KIAA1671: variants seen among roughly 807,000 people sequenced by gnomAD.
KIAA1671 encodes the protein uncharacterized protein KIAA1671.
In KIAA1671, 52 loss-of-function variants were observed where a neutral mutation model predicts 131.2. The ratio of observed to expected loss-of-function variants is 0.40; its 90% confidence interval spans 0.32 to 0.50. KIAA1671 has a LOEUF of 0.50. KIAA1671 is among the 20% of genes least tolerant of loss of function. The pLI is 0.73. For synonymous variants in KIAA1671, 1,003 were observed against 961.6 expected (o/e 1.04, Z -0.80); for missense variants, 2,360 against 2,364.2 (o/e 1.00, Z 0.04).
intron 1 of KIAA1671, among the ~76,000 whole-genome samples, chr22:24,957,615 C>T (rs1244412295): frequency 6.7e-6 from 1 of 150,032 alleles, no homozygotes; most frequent in African/African-American, 2.4e-5. Context: ...AGGTAAAGCA[C>T]ATAGTGCATC....
At chr22:24,978,767 T>C (rs1361690168) in intron 1 of KIAA1671, among the ~76,000 whole-genome samples, 1 of 152,178 alleles carries the variant, frequency 6.6e-6, no homozygotes, top group Non-Finnish European at 1.5e-5. Context: ...CACTACAGCC[T>C]CCGCCTCCTG....
chr22:25,140,909 A>G (rs1932797990), intron 6 of KIAA1671, among the ~76,000 whole-genome samples: 1 of 152,154 alleles, frequency 6.6e-6, no homozygotes. Context: ...TCAAAAATAT[A>G]TGGGAAGGAG....
At chr22:25,058,266 A>C (rs901345548) in intron 6 of KIAA1671, 3 of 152,212 alleles carry the variant, frequency 2.0e-5, no homozygotes, top group African/African-American at 7.2e-5. Context: ...GAGAGTCCCC[A>C]TACACCCACA....
At chr22:25,030,307 C>T (rs964836647) in intron 3 of KIAA1671, among the ~76,000 whole-genome samples, 2 of 152,054 alleles carry the variant, frequency 1.3e-5, no homozygotes, top group Admixed American at 1.3e-4. Context: ...GAGGCCGAGG[C>T]GGGTGGATCA....
At chr22:25,160,008 T>TG (rs981946240) in intron 6 of KIAA1671, among the ~76,000 whole-genome samples, 3 of 152,212 alleles carry the variant, frequency 2.0e-5, no homozygotes, top group African/African-American at 7.2e-5. Context: ...TCTGAATACA[T>TG]GCTCATTTAA....
At chr22:25,007,841 G>T (rs138834565) in intron 1 of KIAA1671, among the ~76,000 whole-genome samples, 1 of 152,110 alleles carries the variant, frequency 6.6e-6, no homozygotes, top group East Asian at 1.9e-4. Context: ...CCTGCCTATG[G>T]GGTAGCCCTG....
chr22:25,076,496 G>A (rs11703834), intron 6 of KIAA1671, among the ~76,000 whole-genome samples: 17,018 of 152,142 alleles, frequency 0.11, 1,157 homozygotes, highest in Non-Finnish European at 0.15. Flanking sequence ...CTTCTCTTCT[G>A]GGGGGAGAAA....
intron 12 of KIAA1671, among the ~76,000 whole-genome samples, chr22:25,191,759 G>A (rs2146056466): frequency 6.6e-6 from 1 of 152,254 alleles, no homozygotes; most frequent in Admixed American, 6.5e-5. Context: ...GATGTGATGA[G>A]CACAAGAGAC....
At chr22:24,983,234 A>T (rs1473071916) in intron 1 of KIAA1671, among the ~76,000 whole-genome samples, 1 of 152,172 alleles carries the variant, frequency 6.6e-6, no homozygotes, top group Non-Finnish European at 1.5e-5. Context: ...GTTTCAAAAC[A>T]ACAGCACTGT....
intron 6 of KIAA1671, among the ~76,000 whole-genome samples, chr22:25,067,372 G>A (rs1019543619): frequency 6.6e-6 from 1 of 152,012 alleles, no homozygotes; most frequent in Non-Finnish European, 1.5e-5. Context: ...CTTTGTCCCT[G>A]CCCGCCTCCC....
In KIAA1671 at chr22:25,195,084, A is replaced by G. The variant is rs1032735875; in HGVS notation, c.*2683A>G. 6.6e-6 allele frequency: 1 copy of G among 152,146 alleles called. No homozygotes were observed. Among genetic ancestry groups the G allele is most frequent in the Non-Finnish European group, 1.5e-5 (1 of 68,038 alleles). 9.4% of individuals were successfully genotyped at this position (152,146 alleles called of 1,614,324 possible). A position where few individuals can be genotyped will look rare whatever the true frequency, so the allele number is the denominator to read the frequency against. On this transcript the variant is annotated 3_prime_UTR_variant, in exon 13 of 13. Coordinates refer to ENST00000358431, the MANE Select transcript of KIAA1671 (RefSeq NM_001145206.2). ...GTGTAATGGAGTCATCCGCTCCTCA[A>G]TCTAACCCTCCTCCCCTGGGGCTTT...
chr22:25,182,505 T>G (rs960149900), intron 10 of KIAA1671, among the ~76,000 whole-genome samples: 2 of 152,170 alleles, frequency 1.3e-5, no homozygotes, highest in Non-Finnish European at 1.5e-5. Context: ...CAAAAATAAC[T>G]CAGGGAGTTT....
At chr22:24,975,965 A>C (rs1292054034) in intron 1 of KIAA1671, among the ~76,000 whole-genome samples, 1 of 152,224 alleles carries the variant, frequency 6.6e-6, no homozygotes, top group African/African-American at 2.4e-5. Flanking sequence ...ACTCCCCGCC[A>C]CTATTCAGCG....
chr22:25,183,070 C>T (rs1934346450), intron 10 of KIAA1671, among the ~76,000 whole-genome samples: 1 of 149,072 alleles, frequency 6.7e-6, no homozygotes, highest in South Asian at 2.1e-4. Context: ...GCCCTTTTGC[C>T]CCCCTGTTTC....
At chr22:25,108,154 T>C (rs545920353) in intron 6 of KIAA1671, among the ~76,000 whole-genome samples, 19 of 152,372 alleles carry the variant, frequency 1.2e-4, no homozygotes, top group African/African-American at 4.6e-4. Context: ...GTCCATCTGC[T>C]GTGGACATAT....
intron 10 of KIAA1671, among the ~76,000 whole-genome samples, chr22:25,184,396 G>A (rs937825385): frequency 1.2e-4 from 18 of 152,188 alleles, no homozygotes; most frequent in Non-Finnish European, 2.4e-4. Context: ...AGTGGACAAT[G>A]GTAATGACTG....
At chr22:24,974,578 A>G (rs1469648895) in intron 1 of KIAA1671, among the ~76,000 whole-genome samples, 2 of 150,822 alleles carry the variant, frequency 1.3e-5, no homozygotes, top group South Asian at 2.1e-4. Context: ...GATTTTCTTG[A>G]TATGTGTATA....
chr22:25,165,921 T>C (rs1933630287), intron 6 of KIAA1671, among the ~76,000 whole-genome samples: 1 of 152,050 alleles, frequency 6.6e-6, no homozygotes, highest in South Asian at 2.1e-4. Flanking sequence ...GAAGCAACAC[T>C]GAAGGAGCTG....
At chr22:25,117,585 C>CACACACA (rs1931730649) in intron 6 of KIAA1671, among the ~76,000 whole-genome samples, 4 of 123,836 alleles carry the variant, frequency 3.2e-5, no homozygotes, top group Non-Finnish European at 4.9e-5. Context: ...TCTCCCCCAA[C>CACACACA]CACACACACA....
Sources: gnomAD v4.1 joint callset for allele counts (sites outside exome capture counted in the v4.1 genomes callset) on GRCh38, gnomAD v4.1.1 for gene constraint, MANE v1.5 for transcripts, NCBI Gene and HGNC (gene_info 2026-07-23, HGNC 2026-07-21) for gene names.